CDH23: variants seen among roughly 807,000 people sequenced by gnomAD.
CDH23 encodes cadherin-23.
A neutral mutation model predicts 317.1 loss-of-function variants in CDH23; 189 were observed. The observed-to-expected ratio is 0.60, with a 90% CI of 0.53 to 0.67. The LOEUF (loss-of-function observed/expected upper bound fraction) is 0.67, where lower values mean the gene tolerates loss of function less well. CDH23 is among the 30% of genes least tolerant of loss of function. CDH23 has a pLI of 0.00. For missense variants in CDH23, 4,401 were observed against 4,592.4 expected (o/e 0.96, Z 1.20); for synonymous variants, 1,839 against 1,876.8 (o/e 0.98, Z 0.52).
intron 6 of CDH23, among the ~76,000 whole-genome samples, chr10:71,564,821 T>C (rs560154296): frequency 2.6e-5 from 4 of 152,366 alleles, no homozygotes; most frequent in African/African-American, 9.6e-5. Flanking sequence ...TTGAGTCCTG[T>C]GCTTTTCTTT....
chr10:71,675,941 T>C (rs1167088930), intron 15 of CDH23, among the ~76,000 whole-genome samples: 2 of 140,014 alleles, frequency 1.4e-5, no homozygotes, highest in African/African-American at 5.4e-5. Flanking sequence ...AGTCTCACTC[T>C]GTTGCCCAGG....
intron 55 of CDH23, among the ~76,000 whole-genome samples, chr10:71,804,590 C>T (rs1418953936): frequency 1.3e-5 from 2 of 152,184 alleles, no homozygotes; most frequent in African/African-American, 2.4e-5. Context: ...CTCAAAGAAG[C>T]GTTGTGCCTT....
intron 1 of CDH23, among the ~76,000 whole-genome samples, chr10:71,416,188 C>A (rs1164411792): frequency 1.3e-5 from 2 of 152,098 alleles, no homozygotes; most frequent in Non-Finnish European, 2.9e-5. Flanking sequence ...CCATGCCCGG[C>A]TAATTTTTGT....
intron 14 of CDH23, among the ~76,000 whole-genome samples, chr10:71,674,723 T>C (rs1044972100): frequency 1.3e-5 from 2 of 152,184 alleles, no homozygotes; most frequent in Admixed American, 6.5e-5. Context: ...TAAGTAACTG[T>C]TGAGTGAATG....
At chr10:71,678,345 A>T (rs545712190) in intron 16 of CDH23, among the ~76,000 whole-genome samples, 2 of 152,132 alleles carry the variant, frequency 1.3e-5, no homozygotes, top group African/African-American at 4.8e-5. Context: ...GCCCACGAAG[A>T]CATAGTCGGG....
intron 9 of CDH23, among the ~76,000 whole-genome samples, chr10:71,592,642 T>A (rs1859571402): frequency 6.6e-6 from 1 of 152,224 alleles, no homozygotes; most frequent in South Asian, 2.1e-4. Context: ...TGTGATTACA[T>A]TTAGGGCCCA....
intron 30 of CDH23, among the ~76,000 whole-genome samples, chr10:71,726,898 C>T (rs910489882): frequency 2.0e-5 from 3 of 152,200 alleles, no homozygotes; most frequent in African/African-American, 4.8e-5. Context: ...GGCTGCAAAC[C>T]TCCTTTAGCC....
intron 14 of CDH23, 180 bp downstream of exon 14, chr10:71,646,797 T>C (rs1862910479): frequency 6.5e-7 from 1 of 1,539,832 alleles, no homozygotes. Context: ...GGGGCTCCCT[T>C]GACCTAGGTT....
At chr10:71,538,344 T>C (rs1402086760) in intron 6 of CDH23, among the ~76,000 whole-genome samples, 1 of 152,192 alleles carries the variant, frequency 6.6e-6, no homozygotes, top group Non-Finnish European at 1.5e-5. Context: ...GCTTATTGCA[T>C]GGCCACCATC....
In CDH23 at chr10:71,617,181, G is replaced by A. The variant is rs80111574; in HGVS notation, c.946-24G>A. ...TGCTGTGATTAGCTGCCTTCACTCCGGGGTGACTGATCTCTGTCCATAGGG... is the reference window on the plus strand; with the variant it reads ...TGCTGTGATTAGCTGCCTTCACTCCAGGGTGACTGATCTCTGTCCATAGGG... On this transcript the variant is annotated intron_variant, in intron 10 of 69. Transcript: ENST00000224721. The A allele has an allele frequency of 3.5e-3, 5,672 of 1,601,662 alleles. 19 individuals are homozygous for A. Among genetic ancestry groups the A allele is most frequent in the Non-Finnish European group, 4.3e-3 (5,053 of 1,170,646 alleles).
chr10:71,696,720 T>C (rs1865404189), intron 22 of CDH23, among the ~76,000 whole-genome samples: 1 of 152,206 alleles, frequency 6.6e-6, no homozygotes, highest in Admixed American at 6.5e-5. Flanking sequence ...CTGCCAAGTA[T>C]GGCTCTGGCA....
chr10:71,419,677 A>G (rs1848666956), intron 1 of CDH23, among the ~76,000 whole-genome samples: 1 of 152,082 alleles, frequency 6.6e-6, no homozygotes, highest in Admixed American at 6.6e-5. Flanking sequence ...TTTTCTATCT[A>G]TTCACTTCCC....
intron 6 of CDH23, among the ~76,000 whole-genome samples, chr10:71,517,811 G>C (rs570800478): frequency 6.6e-6 from 1 of 152,190 alleles, no homozygotes; most frequent in Admixed American, 6.5e-5. Context: ...AGCCAGAGTG[G>C]GTTTTTCTGG....
At chr10:71,528,520 C>T (rs1189437177) in intron 6 of CDH23, among the ~76,000 whole-genome samples, 1 of 152,226 alleles carries the variant, frequency 6.6e-6, no homozygotes, top group African/African-American at 2.4e-5. Flanking sequence ...GCAGACACAG[C>T]TTTTTTGTTT....
intron 6 of CDH23, among the ~76,000 whole-genome samples, chr10:71,523,951 G>T (rs1322976962): frequency 6.6e-6 from 1 of 152,144 alleles, no homozygotes; most frequent in Non-Finnish European, 1.5e-5. Context: ...AGGCCACAGG[G>T]CCTTTGCACG....
chr10:71,701,873 A>C, intron 22 of CDH23, 149 bp from the exon 23 acceptor site: 1 of 745,790 alleles, frequency 1.3e-6, no homozygotes. Flanking sequence ...GGACCCCCCT[A>C]CCGGGCCCAG....
chr10:71,456,867 G>T (rs992805002), intron 3 of CDH23, among the ~76,000 whole-genome samples: 2 of 152,246 alleles, frequency 1.3e-5, no homozygotes. Flanking sequence ...CACAGCTTGT[G>T]TAGAGTCAAA....
At chr10:71,713,698 C>T (rs41307565) in intron 28 of CDH23, 196 of 206,554 alleles carry the variant, frequency 9.5e-4, no homozygotes, top group Non-Finnish European at 1.5e-3. Flanking sequence ...GGACTTGGAG[C>T]ATACCCCCCT....
At chr10:71,433,424 T>G (rs1202464054) in intron 1 of CDH23, among the ~76,000 whole-genome samples, 2 of 152,168 alleles carry the variant, frequency 1.3e-5, no homozygotes, top group Admixed American at 6.5e-5. Flanking sequence ...TGGACAATTT[T>G]CAAAGACGGA....
Sources: allele counts gnomAD v4.1 joint callset (sites outside exome capture counted in the v4.1 genomes callset), GRCh38; gene constraint gnomAD v4.1.1; transcripts MANE v1.5; gene names NCBI Gene and HGNC (gene_info 2026-07-23, HGNC 2026-07-21).